Variants in PNMA2 observed in about 807,000 individuals in gnomAD.
PNMA2 encodes the protein paraneoplastic antigen Ma2.
For synonymous variants in PNMA2, 175 were observed against 183.5 expected, an observed-to-expected ratio of 0.95 and a Z score of 0.38; for missense variants, 455 against 452.9, an observed-to-expected ratio of 1.00 and a Z score of -0.04.
In PNMA2 at chr8:26,508,275, T is replaced by C; in HGVS notation, c.481A>G (p.Arg161Gly). ...GAGAATACTCGCAGTTTCCGGTATC[T>C]CATGGGTAGCAGGGGCTGAGGCGCA... ...AHAPQPLLPM[R>G]YRKLRVFSGS... The change falls in exon 3 of 3, where the codon AGA (arginine) becomes GGA (glycine). Residue 161 changes from arginine (R) to glycine (G), a missense_variant. Coordinates refer to ENST00000522362, the MANE Select transcript of PNMA2 (RefSeq NM_007257.6). The surrounding 1 kb of genome is among the most constrained non-coding windows in gnomAD (Gnocchi z 5.5). 1 of 1,601,882 alleles carries C rather than the reference T, an allele frequency of 6.2e-7. No homozygotes were observed. Among genetic ancestry groups the C allele is most frequent in the Non-Finnish European group, 8.5e-7 (1 of 1,173,804 alleles).
chr8:26,512,140 T>C (rs1347684166), intron 1 of PNMA2, among the ~76,000 whole-genome samples: 2 of 152,208 alleles, frequency 1.3e-5, no homozygotes, highest in African/African-American at 4.8e-5. Context: ...AATTGCTGGA[T>C]CATTTAACTA....
rs952056039 is a variant in PNMA2, at chr8:26,506,417, C to G, written c.*1244G>C. ...CAAACCTGCCCTAAACAACCCTGCT[C>G]TCAAGCATGCAGTCCCCTCATGTCC... On this transcript the variant is annotated 3_prime_UTR_variant, in exon 3 of 3. Coordinates refer to ENST00000522362, the MANE Select transcript of PNMA2 (RefSeq NM_007257.6). The surrounding 1 kb of genome is among the most constrained non-coding windows in gnomAD (Gnocchi z 4.4). 1.7e-4 allele frequency: 26 copies of G among 152,306 alleles called. No homozygotes were observed. Among genetic ancestry groups the G allele is most frequent in the African/African-American group, 6.0e-4 (25 of 41,460 alleles). 9.4% of individuals were successfully genotyped at this position (152,306 alleles called of 1,614,324 possible). A position where few individuals can be genotyped will look rare whatever the true frequency, so the allele number is the denominator to read the frequency against.
At position 26,508,797 on chromosome 8, in the gene PNMA2, T is replaced by A; in HGVS notation, c.-42A>T. ...CCACTCTGACTCTACAGGCACCAAT[T>A]TGTTAGTGGTGCAGCTATGCACTGA... On this transcript the variant is annotated 5_prime_UTR_variant, in exon 3 of 3. Transcript: ENST00000522362. This position sits in a 1 kb window ranked among gnomAD's most constrained non-coding sequence, Gnocchi z 5.5. The A allele has an allele frequency of 6.4e-7, 1 of 1,567,264 alleles. No individual in the cohort carries two copies. The highest frequency in any genetic ancestry group is 1.2e-5 in the South Asian group (1 of 81,664).
In PNMA2 at chr8:26,508,471, G is replaced by T. The variant is rs1563368282; in HGVS notation, c.285C>A (p.Thr95=). 1 of 1,614,172 alleles carries T rather than the reference G, an allele frequency of 6.2e-7. No individual in the cohort carries two copies. The highest frequency in any genetic ancestry group is 2.2e-5 in the East Asian group (1 of 44,878). Residue 95 remains threonine (T), a synonymous_variant, in exon 3 of 3, where the codon ACC becomes ACA. Coordinates refer to ENST00000522362, the MANE Select transcript of PNMA2 (RefSeq NM_007257.6). This position sits in a 1 kb window ranked among gnomAD's most constrained non-coding sequence, Gnocchi z 5.5. ...CAAGAAACTCAGTGTCCTGATTAGGGGTCTTAAAGATCACCTTCCAGACAC... is the reference window on the plus strand; with the variant it reads ...CAAGAAACTCAGTGTCCTGATTAGGTGTCTTAAAGATCACCTTCCAGACAC... ...KGGVWKVIFK[T]PNQDTEFLER... is the part of the protein sequence containing the mutation.
chr8:26,507,694 G>C lies in PNMA2; in HGVS notation c.1062C>G (p.Gly354=), dbSNP rs747460468. 1 of 1,577,874 alleles carries C rather than the reference G, an allele frequency of 6.3e-7. No individual in the cohort carries two copies. The highest frequency in any genetic ancestry group is 1.4e-5 in the African/African-American group (1 of 73,994). The change falls in exon 3 of 3, where the codon GGC becomes GGG. Residue 354 remains glycine (G), a synonymous_variant. Coordinates refer to ENST00000522362, the MANE Select transcript of PNMA2 (RefSeq NM_007257.6). ...CTCCCTCATGATTCCAGCGGCCATA[G>C]CCATCTCGTTCCTCTGGCTCTTCGA... ...ESIEEPEERD[G]YGRWNHEGDD is the part of the protein sequence containing the mutation.
In PNMA2 at chr8:26,508,992, C is replaced by T. The variant is rs1199322962; in HGVS notation, c.-237G>A. The T allele has an allele frequency of 1.8e-6, 2 of 1,117,912 alleles. No individual in the cohort carries two copies. Among genetic ancestry groups the T allele is most frequent in the Non-Finnish European group, 2.4e-6 (2 of 848,788 alleles). The allele number at this position is 1,117,912 out of a possible 1,614,324, so 69.2% of individuals were successfully genotyped here. A position where few individuals can be genotyped will look rare whatever the true frequency, so the allele number is the denominator to read the frequency against. On this transcript the variant is annotated 5_prime_UTR_variant, in exon 3 of 3. Transcript: ENST00000522362. The surrounding 1 kb of genome is among the most constrained non-coding windows in gnomAD (Gnocchi z 5.5). ...TGTCTTTAGGCCTGACCCAGGTGGG[C>T]AGGTCGTATCTCAGTTCTAACCACA...
chr8:26,506,910 GC>G lies in PNMA2; in HGVS notation c.*750del, dbSNP rs1450269373. ...AGGAAAACACCTGACAAGTCAAACA[GC>G]TTTATTTTTCAAACATTACAAAAGG... On this transcript the variant is annotated 3_prime_UTR_variant, in exon 3 of 3. Coordinates refer to ENST00000522362, the MANE Select transcript of PNMA2 (RefSeq NM_007257.6). This position sits in a 1 kb window ranked among gnomAD's most constrained non-coding sequence, Gnocchi z 4.4. 42 of 152,102 alleles carry G rather than the reference GC, an allele frequency of 2.8e-4. No homozygotes were observed. Among genetic ancestry groups the G allele is most frequent in the African/African-American group, 9.2e-4 (38 of 41,424 alleles). 9.4% of individuals were successfully genotyped at this position (152,102 alleles called of 1,614,324 possible). A position where few individuals can be genotyped will look rare whatever the true frequency, so the allele number is the denominator to read the frequency against.
Sources: gnomAD v4.1 joint callset for allele counts (sites outside exome capture counted in the v4.1 genomes callset) on GRCh38, gnomAD v4.1.1 for gene constraint, Gnocchi (gnomAD v3.1) non-coding constraint, MANE v1.5 for transcripts, NCBI Gene and HGNC (gene_info 2026-07-23, HGNC 2026-07-21) for gene names.